The following DUOX1 variants were observed in gnomAD, a reference collection of about 807,000 sequenced individuals.
The protein encoded by DUOX1 is dual oxidase 1.
Under a neutral mutation model 181.8 loss-of-function variants are expected in DUOX1, and 134 were observed. The observed-to-expected ratio is 0.74, with a 90% CI of 0.64 to 0.85. DUOX1 has a LOEUF of 0.85. Among genes scored for constraint, DUOX1 ranks in the 40% least tolerant of loss-of-function variants. The pLI, the probability that DUOX1 is intolerant of heterozygous loss-of-function variation, is 0.00. For synonymous variants in DUOX1, 798 were observed against 832.5 expected (o/e 0.96, Z 0.71); for missense variants, 1,814 against 2,064.4 (o/e 0.88, Z 2.35).
Position 45,144,995 on chromosome 15 carries a change from G to A in DUOX1, c.2237G>A (p.Arg746Gln), listed in dbSNP as rs762543874. The A allele has an allele frequency of 1.9e-5, 30 of 1,614,026 alleles. No individual in the cohort carries two copies. Among genetic ancestry groups the A allele is most frequent in the South Asian group, 4.4e-5 (4 of 91,078 alleles). ...SGLSIQEWEL[R>Q]EQELMRAAVT... ...TTGAGCATCCAGGAGTGGGAGCTGC[G>A]GGAGCAGGAGCTGATGAGAGCAGCT... The change falls in exon 18 of 34, where the codon CGG (arginine) becomes CAG (glutamine). Residue 746 changes from arginine to glutamine, a missense_variant. Transcript: ENST00000389037.
chr15:45,159,061 A>C (rs1897034132), intron 28 of DUOX1, among the ~76,000 whole-genome samples: 1 of 152,188 alleles, frequency 6.6e-6, no homozygotes, highest in African/African-American at 2.4e-5. Context: ...CTGAAGAGCA[A>C]TCCAGGTAAA....
intron 28 of DUOX1, 108 bp from the exon 29 acceptor site, chr15:45,160,729 G>A: frequency 1.6e-6 from 2 of 1,268,588 alleles, no homozygotes; most frequent in Non-Finnish European, 1.0e-6. Flanking sequence ...TGGTGAGGTG[G>A]GGGCTGGATA....
At chr15:45,155,467 G>A (rs1391278172) in intron 27 of DUOX1, 6 of 249,232 alleles carry the variant, frequency 2.4e-5, no homozygotes, top group Admixed American at 5.1e-5. Context: ...TCAGGAGGCC[G>A]AGGCAGAAGA....
At chr15:45,146,861 G>A (rs562055093) in intron 18 of DUOX1, among the ~76,000 whole-genome samples, 1 of 152,224 alleles carries the variant, frequency 6.6e-6, no homozygotes, top group South Asian at 2.1e-4. Flanking sequence ...GCCTCTGGGT[G>A]GGCTGGGGAT....
At chr15:45,150,404 G>A (rs1309996925) in intron 21 of DUOX1, 2 of 557,212 alleles carry the variant, frequency 3.6e-6, no homozygotes, top group South Asian at 2.3e-5. Flanking sequence ...CTTTAGGGAA[G>A]CCTGCCTGGC....
chr15:45,148,349 C>T lies in DUOX1; in HGVS notation c.2720C>T (p.Ser907Leu), dbSNP rs139045084. The change falls in exon 21 of 34, where the codon TCG becomes TTG. Residue 907 changes from serine to leucine, a missense_variant. Around this residue, in one of 5 missense-constraint regions of DUOX1, gnomAD observed 1,064 missense variants for 1,152.9 expected, o/e 0.92. Coordinates refer to ENST00000389037, the MANE Select transcript of DUOX1 (RefSeq NM_175940.3). Reference sequence around the variant, plus strand: ...GTGGTGGAGTCCATGTTCCGGGAGTCGGGATTCCAGGACAAGGAGGAACTG... The same window carrying T: ...GTGGTGGAGTCCATGTTCCGGGAGTTGGGATTCCAGGACAAGGAGGAACTG... The part of the protein sequence containing the change: ...AEVVESMFRE[S>L]GFQDKEELTW... The T allele has an allele frequency of 3.7e-6, 6 of 1,614,010 alleles. No individual in the cohort carries two copies. The highest frequency in any genetic ancestry group is 1.3e-5 in the African/African-American group (1 of 74,902).
At chr15:45,145,108 T>C (rs1462419177) in intron 18 of DUOX1, 28 bp downstream of exon 18, 1 of 1,551,968 alleles carries the variant, frequency 6.4e-7, no homozygotes, top group Admixed American at 1.9e-5. Context: ...GATCAATCCT[T>C]ATGCTGTGGT....
chr15:45,150,790 C>A (rs1223725134), intron 22 of DUOX1, 89 bp downstream of exon 22: 14 of 1,255,280 alleles, frequency 1.1e-5, no homozygotes, highest in Non-Finnish European at 1.5e-5. Flanking sequence ...CCACCGCTAG[C>A]CCATGCAGCA....
At chr15:45,153,518 G>A in intron 26 of DUOX1, 39 bp downstream of exon 26, 1 of 1,113,532 alleles carries the variant, frequency 9.0e-7, no homozygotes, top group African/African-American at 1.7e-5. Context: ...GTGTGTGTGT[G>A]TGTGTGTGTG....
rs765001569 is a variant in DUOX1, at chr15:45,163,876, C to CT, written c.4494dup (p.Glu1499Ter). On this transcript the variant is annotated frameshift_variant, in exon 33 of 34. Transcript: ENST00000389037. LOFTEE classifies it high-confidence loss of function. ...CCATCACCCACTTTGGCCGTCCCCCCTTTGAGCCCTTCTTCAACTCCCTGC... is the reference window on the plus strand; with the variant it reads ...CCATCACCCACTTTGGCCGTCCCCCCTTTTGAGCCCTTCTTCAACTCCCTGC... 9 of 1,614,048 alleles carry CT rather than the reference C, an allele frequency of 5.6e-6. No homozygotes were observed. In the East Asian group the frequency reaches 2.0e-4, roughly 36 times the overall value.
intron 10 of DUOX1, among the ~76,000 whole-genome samples, 156 bp downstream of exon 10, chr15:45,138,170 G>A (rs1896386018): frequency 6.6e-6 from 1 of 152,022 alleles, no homozygotes; most frequent in African/African-American, 2.4e-5. Context: ...GGGTGAAGGA[G>A]GCAGCCTGGA....
intron 20 of DUOX1, 137 bp from the exon 21 acceptor site, chr15:45,148,135 A>T: frequency 6.9e-7 from 1 of 1,450,732 alleles, no homozygotes; most frequent in Non-Finnish European, 9.6e-7. Flanking sequence ...TGTTCAAACT[A>T]GCAGGGGGCT....
intron 2 of DUOX1, among the ~76,000 whole-genome samples, chr15:45,132,772 C>CT (rs1460920324): frequency 6.6e-6 from 1 of 152,148 alleles, no homozygotes; most frequent in Non-Finnish European, 1.5e-5. Flanking sequence ...TTGGATTTCC[C>CT]TTTTTTCCCT....
chr15:45,158,274 A>C (rs1897011605), intron 28 of DUOX1, among the ~76,000 whole-genome samples: 1 of 152,204 alleles, frequency 6.6e-6, no homozygotes. Context: ...ACAATGAAAC[A>C]GTGAACTTGG....
intron 27 of DUOX1, among the ~76,000 whole-genome samples, chr15:45,155,230 G>A (rs79767141): frequency 9.3e-4 from 142 of 152,306 alleles, no homozygotes; most frequent in East Asian, 1.2e-3. Flanking sequence ...TTGAGAACCC[G>A]AGAGTCAGGA....
intron 11 of DUOX1, 79 bp from the exon 12 acceptor site, chr15:45,139,348 G>C: frequency 6.3e-7 from 1 of 1,588,692 alleles, no homozygotes; most frequent in South Asian, 1.1e-5. Context: ...TCCTGGGGCT[G>C]GTTGGAGCTT....
rs367859728 is a variant in DUOX1, at chr15:45,162,174, A to G, written c.4090-45A>G. ...TTCTCTCATTTCTGGCTTCCGATCT[A>G]TGGTGGTGGCCAAGCTTAACTGAAA... On this transcript the variant is annotated intron_variant, in intron 30 of 33. Coordinates refer to ENST00000389037, the MANE Select transcript of DUOX1 (RefSeq NM_175940.3). 1.1e-5 allele frequency: 18 copies of G among 1,577,502 alleles called. No homozygotes were observed. In the African/African-American group the frequency reaches 2.3e-4, roughly 20 times the overall value.
intron 22 of DUOX1, 137 bp downstream of exon 22, chr15:45,150,838 G>C: frequency 1.1e-6 from 1 of 880,740 alleles, no homozygotes; most frequent in Non-Finnish European, 1.8e-6. Flanking sequence ...CCTTTCTCTA[G>C]GCAGACACAG....
chr15:45,135,261 C>A lies in DUOX1; in HGVS notation c.465C>A (p.Thr155=), dbSNP rs749531634. Reference sequence around the variant, plus strand: ...AGAGAAGCCGCTGGGACCCCGAGACCGGACGGAGTCCCAGCAATCCCCGGG... The same window carrying A: ...AGAGAAGCCGCTGGGACCCCGAGACAGGACGGAGTCCCAGCAATCCCCGGG... ...PFQRSRWDPE[T]GRSPSNPRDP... The change falls in exon 5 of 34, where the codon ACC becomes ACA. Residue 155 remains threonine, a synonymous_variant. Transcript: ENST00000389037. 6.2e-7 allele frequency: 1 copy of A among 1,612,514 alleles called. No individual in the cohort carries two copies.
Sources: gnomAD v4.1 joint callset for allele counts (sites outside exome capture counted in the v4.1 genomes callset) on GRCh38, gnomAD v4.1.1 for gene constraint, gnomAD v4.1.1 regional missense constraint, MANE v1.5 for transcripts, NCBI Gene and HGNC (gene_info 2026-07-23, HGNC 2026-07-21) for gene names.